The following THSD4 variants were observed in gnomAD, a reference collection of about 807,000 sequenced individuals.
THSD4 encodes thrombospondin type-1 domain-containing protein 4.
A neutral mutation model predicts 119.0 loss-of-function variants in THSD4; 69 were observed. The ratio of observed to expected loss-of-function variants is 0.58; its 90% confidence interval spans 0.48 to 0.71. The LOEUF is 0.71. THSD4 is among the 30% of genes least tolerant of loss of function. The pLI is 0.00. For synonymous variants in THSD4, 524 were observed against 540.4 expected (o/e 0.97, Z 0.42); for missense variants, 1,393 against 1,391.1 (o/e 1.00, Z -0.02).
chr15:71,372,863 C>T (rs1303266658), intron 6 of THSD4, among the ~76,000 whole-genome samples: 4 of 152,242 alleles, frequency 2.6e-5, no homozygotes, highest in African/African-American at 9.6e-5. Context: ...CAGCTATGCC[C>T]TGCCTGCAGA....
At chr15:71,420,328 T>G (rs2046794395) in intron 7 of THSD4, among the ~76,000 whole-genome samples, 1 of 108,058 alleles carries the variant, frequency 9.3e-6, no homozygotes, top group African/African-American at 3.1e-5. Context: ...AGAATATCTT[T>G]GTTCATCCCT....
chr15:71,100,654 T>A (rs1410461537), intron 1 of THSD4, among the ~76,000 whole-genome samples: 4 of 152,182 alleles, frequency 2.6e-5, no homozygotes, highest in African/African-American at 9.7e-5. Context: ...AATATTTATA[T>A]CATTTATGTG....
intron 6 of THSD4, among the ~76,000 whole-genome samples, chr15:71,305,293 C>A (rs1402710037): frequency 1.3e-5 from 2 of 148,310 alleles, no homozygotes. Flanking sequence ...AAGAGGACCC[C>A]CTGCGATCTA....
At chr15:71,673,358 G>A (rs950637161) in intron 8 of THSD4, among the ~76,000 whole-genome samples, 12 of 151,820 alleles carry the variant, frequency 7.9e-5, no homozygotes, top group Admixed American at 2.0e-4. Flanking sequence ...TTTTTATTGC[G>A]TCTATTTGAT....
chr15:71,222,595 A>C (rs1487056564), intron 4 of THSD4, among the ~76,000 whole-genome samples: 1 of 152,158 alleles, frequency 6.6e-6, no homozygotes, highest in East Asian at 1.9e-4. Context: ...GGAGTGTGTC[A>C]TATTCCTCAG....
At chr15:71,206,302 G>A (rs769492690) in intron 3 of THSD4, among the ~76,000 whole-genome samples, 1 of 152,074 alleles carries the variant, frequency 6.6e-6, no homozygotes, top group Non-Finnish European at 1.5e-5. Context: ...ATGAGCCACC[G>A]CGCCCGGCCA....
At chr15:71,703,951 G>A (rs1353095474) in intron 8 of THSD4, among the ~76,000 whole-genome samples, 1 of 152,170 alleles carries the variant, frequency 6.6e-6, no homozygotes, top group Non-Finnish European at 1.5e-5. Context: ...CCGGGTTCAC[G>A]CCATTCTTCT....
chr15:71,174,741 T>G (rs1475140923), intron 3 of THSD4, among the ~76,000 whole-genome samples: 1 of 151,108 alleles, frequency 6.6e-6, no homozygotes, highest in Non-Finnish European at 1.5e-5. Context: ...TGTCCCTGTC[T>G]GACAGCTTTG....
At chr15:71,536,683 A>G (rs1595866389) in intron 7 of THSD4, among the ~76,000 whole-genome samples, 1 of 152,216 alleles carries the variant, frequency 6.6e-6, no homozygotes, top group East Asian at 1.9e-4. Context: ...AAGCTAATTC[A>G]CTTATGTATT....
At chr15:71,247,544 G>A (rs747699538) in intron 5 of THSD4, among the ~76,000 whole-genome samples, 4 of 152,200 alleles carry the variant, frequency 2.6e-5, no homozygotes, top group Non-Finnish European at 4.4e-5. Flanking sequence ...TGGCTTGGGT[G>A]GAGTTTGAGT....
chr15:71,254,593 C>A (rs16955337), intron 5 of THSD4, among the ~76,000 whole-genome samples: 4,415 of 152,300 alleles, frequency 0.029, 219 homozygotes, highest in African/African-American at 0.1. Context: ...AGGTTTCTTT[C>A]TCGAAGCCGT....
intron 11 of THSD4, among the ~76,000 whole-genome samples, chr15:71,744,218 A>C (rs566939250): frequency 1.3e-5 from 2 of 151,086 alleles, no homozygotes; most frequent in East Asian, 3.9e-4. Flanking sequence ...CTTTTTATCG[A>C]AAATAGATGT....
chr15:71,338,220 G>A (rs2140383836), intron 6 of THSD4, among the ~76,000 whole-genome samples: 1 of 152,192 alleles, frequency 6.6e-6, no homozygotes, highest in South Asian at 2.1e-4. Flanking sequence ...CTACAGTCTT[G>A]GTATCCCATG....
At chr15:71,564,330 G>A (rs1026124613) in intron 7 of THSD4, among the ~76,000 whole-genome samples, 1 of 152,092 alleles carries the variant, frequency 6.6e-6, no homozygotes, top group Non-Finnish European at 1.5e-5. Flanking sequence ...TGGATCAAGT[G>A]TCATGAGAAC....
intron 3 of THSD4, among the ~76,000 whole-genome samples, chr15:71,203,237 C>T (rs2043817612): frequency 6.6e-6 from 1 of 152,022 alleles, no homozygotes; most frequent in Non-Finnish European, 1.5e-5. Flanking sequence ...AAGGCTGAGG[C>T]CAGATGGTGA....
At chr15:71,536,688 T>C (rs1039689628) in intron 7 of THSD4, among the ~76,000 whole-genome samples, 2 of 152,210 alleles carry the variant, frequency 1.3e-5, no homozygotes, top group Non-Finnish European at 2.9e-5. Flanking sequence ...AATTCACTTA[T>C]GTATTATAAG....
intron 6 of THSD4, among the ~76,000 whole-genome samples, chr15:71,285,360 A>G (rs2044702319): frequency 6.6e-6 from 1 of 152,140 alleles, no homozygotes; most frequent in African/African-American, 2.4e-5. Flanking sequence ...TGGTGGTATT[A>G]TTGATTTTTG....
At chr15:71,732,782 A>G (rs964584313) in intron 10 of THSD4, 15 of 152,336 alleles carry the variant, frequency 9.8e-5, no homozygotes, top group African/African-American at 3.6e-4. Flanking sequence ...TGTGCTTGTT[A>G]TATCACTGAG....
chr15:71,688,428 G>C (rs1484224815), intron 8 of THSD4, among the ~76,000 whole-genome samples: 2 of 152,160 alleles, frequency 1.3e-5, no homozygotes, highest in African/African-American at 4.8e-5. Context: ...TTTTTTAAGA[G>C]ACTCCGTATT....
Sources: gnomAD v4.1 joint callset for allele counts (sites outside exome capture counted in the v4.1 genomes callset) on GRCh38, gnomAD v4.1.1 for gene constraint, MANE v1.5 for transcripts, NCBI Gene and HGNC (gene_info 2026-07-23, HGNC 2026-07-21) for gene names.